The following DTD1 variants were observed in gnomAD, a reference collection of about 807,000 sequenced individuals.
DTD1 encodes the protein D-tyrosyl-tRNA deacylase 1 homolog.
DTD1 carries 13 observed loss-of-function variants against 25.6 expected under a neutral mutation model. The ratio of observed to expected loss-of-function variants is 0.51; its 90% CI spans 0.33 to 0.81. The LOEUF is 0.81. Among genes scored for constraint, DTD1 ranks in the 30% least tolerant of loss-of-function variants. DTD1 has a pLI of 0.02. For synonymous variants in DTD1, 110 were observed against 103.6 expected, an observed-to-expected ratio of 1.06 and a Z score of -0.37; for missense variants, 193 against 266.4, an observed-to-expected ratio of 0.72 and a Z score of 1.92.
intron 4 of DTD1, among the ~76,000 whole-genome samples, chr20:18,682,710 A>AT (rs372597524): frequency 2.2e-4 from 34 of 152,250 alleles, no homozygotes; most frequent in African/African-American, 8.2e-4. Flanking sequence ...TTGTCTATTT[A>AT]TTTTTTGGAC....
At chr20:18,657,562 G>A (rs1019827815) in intron 4 of DTD1, among the ~76,000 whole-genome samples, 6 of 152,276 alleles carry the variant, frequency 3.9e-5, no homozygotes, top group African/African-American at 7.2e-5. Flanking sequence ...AGTCCAGATC[G>A]CTCAGCAGAA....
chr20:18,598,948 T>C (rs1306547642), intron 3 of DTD1, among the ~76,000 whole-genome samples: 2 of 152,182 alleles, frequency 1.3e-5, no homozygotes, highest in Non-Finnish European at 2.9e-5. Flanking sequence ...ATATTTGGAA[T>C]AATACAGTGT....
chr20:18,753,966 C>G (rs991832125), intron 5 of DTD1, among the ~76,000 whole-genome samples: 6 of 151,950 alleles, frequency 3.9e-5, no homozygotes, highest in Admixed American at 3.9e-4. Context: ...AACTTCCCAG[C>G]ATCTCTCATG....
At chr20:18,651,213 G>A (rs1467748219) in intron 4 of DTD1, among the ~76,000 whole-genome samples, 7 of 152,226 alleles carry the variant, frequency 4.6e-5, no homozygotes, top group African/African-American at 1.2e-4. Flanking sequence ...GTACAGTGGT[G>A]TGATCTTGGC....
intron 4 of DTD1, among the ~76,000 whole-genome samples, chr20:18,738,789 A>G (rs375046136): frequency 1.3e-5 from 2 of 152,280 alleles, no homozygotes. Flanking sequence ...GCTGCGGTGT[A>G]GGCAGCTGGC....
intron 4 of DTD1, among the ~76,000 whole-genome samples, chr20:18,644,787 A>G (rs905842536): frequency 1.3e-5 from 2 of 152,150 alleles, no homozygotes; most frequent in African/African-American, 4.8e-5. Flanking sequence ...GAGGTGTGAC[A>G]TTAGGCAAAT....
At chr20:18,598,891 C>G (rs1031633652) in intron 3 of DTD1, among the ~76,000 whole-genome samples, 7 of 152,076 alleles carry the variant, frequency 4.6e-5, no homozygotes, top group African/African-American at 1.7e-4. Context: ...CTGTCAACCA[C>G]TGATCTTTTT....
intron 2 of DTD1, among the ~76,000 whole-genome samples, chr20:18,594,438 C>A (rs544513213): frequency 6.6e-6 from 1 of 152,126 alleles, no homozygotes; most frequent in Non-Finnish European, 1.5e-5. Context: ...TTAGCCAAGG[C>A]AGCACAGATG....
At chr20:18,595,935 T>A in intron 2 of DTD1, 71 bp from the exon 3 acceptor site, 1 of 1,345,640 alleles carries the variant, frequency 7.4e-7, no homozygotes, top group Non-Finnish European at 1.1e-6. Context: ...CTGGTGACAT[T>A]TTTGGGGTAT....
intron 3 of DTD1, among the ~76,000 whole-genome samples, chr20:18,626,923 C>A (rs1276378772): frequency 6.6e-6 from 1 of 152,228 alleles, no homozygotes; most frequent in Non-Finnish European, 1.5e-5. Context: ...CTGAAATTTT[C>A]TACTAATTGT....
chr20:18,746,107 C>T (rs2061298890), intron 5 of DTD1, among the ~76,000 whole-genome samples: 1 of 152,122 alleles, frequency 6.6e-6, no homozygotes, highest in Admixed American at 6.5e-5. Context: ...CTGACGGTAC[C>T]TATTTTGGGT....
intron 4 of DTD1, among the ~76,000 whole-genome samples, chr20:18,726,403 T>C (rs16979515): frequency 0.14 from 21,913 of 152,214 alleles, 1,694 homozygotes; most frequent in Admixed American, 0.2. Context: ...AAAATTGCAT[T>C]GTACAAGTAA....
intron 3 of DTD1, among the ~76,000 whole-genome samples, chr20:18,622,516 A>G (rs2060738784): frequency 6.6e-6 from 1 of 152,230 alleles, no homozygotes; most frequent in Non-Finnish European, 1.5e-5. Flanking sequence ...TGTTAACCTG[A>G]TAAATGCATT....
intron 4 of DTD1, among the ~76,000 whole-genome samples, chr20:18,647,534 G>A (rs1371591141): frequency 6.6e-6 from 1 of 152,160 alleles, no homozygotes; most frequent in Non-Finnish European, 1.5e-5. Context: ...GGGTCTGAAA[G>A]CTTGGGGCAA....
rs770805444 is a variant in DTD1, at chr20:18,764,274, A to G, written c.*934A>G. 1.3e-5 allele frequency: 2 copies of G among 152,238 alleles called. No individual in the cohort carries two copies. The highest frequency in any genetic ancestry group is 2.9e-5 in the Non-Finnish European group (2 of 68,052). 9.4% of individuals were successfully genotyped at this position (152,238 alleles called of 1,614,324 possible). A position where few individuals can be genotyped will look rare whatever the true frequency, so the allele number is the denominator to read the frequency against. ...TGCAGATACCCTTTATCCAGTAGCT[A>G]CATGGTTGTCCATGTATCCAAGTCA... On this transcript the variant is annotated 3_prime_UTR_variant, in exon 6 of 6. Transcript: ENST00000377452.
At chr20:18,644,476 A>AAC (rs2060843141) in intron 4 of DTD1, among the ~76,000 whole-genome samples, 1 of 152,228 alleles carries the variant, frequency 6.6e-6, no homozygotes, top group South Asian at 2.1e-4. Flanking sequence ...AGGTTTAACA[A>AAC]ACAGAACATG....
intron 4 of DTD1, among the ~76,000 whole-genome samples, chr20:18,726,888 C>T (rs1466474825): frequency 2.2e-5 from 3 of 139,362 alleles, no homozygotes; most frequent in African/African-American, 7.7e-5. Flanking sequence ...CCAGAAAGGA[C>T]TCTCCTTGGA....
intron 4 of DTD1, chr20:18,631,709 T>A (rs1012368224): frequency 1.0e-6 from 1 of 985,336 alleles, no homozygotes; most frequent in African/African-American, 1.7e-5. Flanking sequence ...GACGTCATTC[T>A]CTCTGGGTTT....
rs150996274 is a variant in DTD1, at chr20:18,689,352, T to A, written c.478-54748T>A. Among the ~76,000 whole-genome samples, 372 of 152,338 alleles carry A rather than the reference T, an allele frequency of 2.4e-3. 7 individuals are homozygous for A. Among genetic ancestry groups the A allele is most frequent in the Admixed American group, 0.02 (305 of 15,308 alleles). Reference sequence around the variant, plus strand: ...ATGGAGTTTGGTGATTTAAAATTCTTTATCAGTTTTCTCTCTAGATTTTCA... The same window carrying A: ...ATGGAGTTTGGTGATTTAAAATTCTATATCAGTTTTCTCTCTAGATTTTCA... On this transcript the variant is annotated intron_variant, in intron 4 of 5. Transcript: ENST00000377452.
Sources: gnomAD v4.1 joint callset for allele counts (sites outside exome capture counted in the v4.1 genomes callset) on GRCh38, gnomAD v4.1.1 for gene constraint, MANE v1.5 for transcripts, NCBI Gene and HGNC (gene_info 2026-07-23, HGNC 2026-07-21) for gene names.